KIF21A: variants seen among roughly 807,000 people sequenced by gnomAD.
The protein encoded by KIF21A is kinesin-like protein KIF21A.
A neutral mutation model predicts 202.9 loss-of-function variants in KIF21A; 114 were observed. The ratio of observed to expected loss-of-function variants is 0.56; its 90% confidence interval spans 0.48 to 0.66. KIF21A has a LOEUF of 0.66. KIF21A is among the 30% of genes least tolerant of loss of function. The probability of loss-of-function intolerance (pLI) is 0.00; values close to 1 mark genes in which losing one functional copy is unlikely to be tolerated. For missense variants in KIF21A, 1,677 were observed against 1,994.9 expected (o/e 0.84, Z 3.04); for synonymous variants, 667 against 670.8 (o/e 0.99, Z 0.09).
At chr12:39,338,643 G>A (rs905349535) in intron 16 of KIF21A, among the ~76,000 whole-genome samples, 3 of 152,152 alleles carry the variant, frequency 2.0e-5, no homozygotes, top group Non-Finnish European at 2.9e-5. Context: ...TTGCAGGTTT[G>A]GTTCCAGAGC....
intron 29 of KIF21A, among the ~76,000 whole-genome samples, chr12:39,317,080 T>C (rs1047619655): frequency 1.4e-4 from 22 of 152,134 alleles, no homozygotes; most frequent in African/African-American, 5.3e-4. Flanking sequence ...TTTTGTTTAA[T>C]AACACAGGAA....
intron 1 of KIF21A, among the ~76,000 whole-genome samples, chr12:39,417,660 C>T (rs1435582745): frequency 3.3e-5 from 5 of 152,114 alleles, no homozygotes. Flanking sequence ...CTGGAAAGAA[C>T]ATTTGCTCCA....
chr12:39,355,512 T>A (rs1405421061), intron 10 of KIF21A, among the ~76,000 whole-genome samples: 1 of 151,328 alleles, frequency 6.6e-6, no homozygotes, highest in Non-Finnish European at 1.5e-5. Context: ...AACAGAGCTA[T>A]CAGTTGTGTC....
chr12:39,322,444 C>A (rs1349214641), intron 27 of KIF21A: 1 of 453,020 alleles, frequency 2.2e-6, no homozygotes, highest in African/African-American at 2.0e-5. Flanking sequence ...AAGAATGATC[C>A]TAAAACTTGG....
intron 32 of KIF21A, among the ~76,000 whole-genome samples, 182 bp from the exon 33 acceptor site, chr12:39,309,948 T>C (rs552106710): frequency 6.6e-6 from 1 of 152,110 alleles, no homozygotes; most frequent in Non-Finnish European, 1.5e-5. Flanking sequence ...AGACAAGGTA[T>C]GTGTAAAGGA....
intron 6 of KIF21A, among the ~76,000 whole-genome samples, chr12:39,363,506 G>C (rs1352287470): frequency 1.3e-5 from 2 of 152,036 alleles, no homozygotes; most frequent in African/African-American, 2.4e-5. Context: ...CAGAGCATCA[G>C]GTTATGTCCC....
chr12:39,325,958 C>T, intron 25 of KIF21A, 65 bp from the exon 26 acceptor site: 1 of 1,278,466 alleles, frequency 7.8e-7, no homozygotes, highest in Non-Finnish European at 1.1e-6. Flanking sequence ...ACTATAGCTC[C>T]TCTATATCAA....
Position 39,419,004 on chromosome 12 carries a change from C to T in KIF21A, c.44+23923G>A, listed in dbSNP as rs145680418. On this transcript the variant is annotated intron_variant, in intron 1 of 37. Coordinates refer to ENST00000361418, the MANE Select transcript of KIF21A (RefSeq NM_001173464.2). The stretch of plus-strand genomic sequence containing the variant: ...TTGGTTTTCTCTTAAGCGGAAAAGG[C>T]ACAGTATCTAACTTGCATGTGAATT... 2.0e-3 allele frequency among the ~76,000 whole-genome samples: 305 copies of T among 152,300 alleles called. 4 individuals are homozygous for T. The highest frequency in any genetic ancestry group is 7.0e-3 in the African/African-American group (293 of 41,566).
rs755638322 is a variant in KIF21A, at chr12:39,325,866, A to G, written c.3429T>C (p.Leu1143=). The change falls in exon 26 of 38, where the codon CTT becomes CTC. Residue 1143 remains leucine, a synonymous_variant. Transcript: ENST00000361418. Reference sequence around the variant, plus strand: ...TGTTCTTAGGTTTCACTTCACCACAAAGCTTCATGAGATCTGAAGACAGCG... The same window carrying G: ...TGTTCTTAGGTTTCACTTCACCACAGAGCTTCATGAGATCTGAAGACAGCG... ...GSTLSSDLMK[L]CGEVKPKNKA... 2.5e-6 allele frequency: 4 copies of G among 1,612,404 alleles called. No individual in the cohort carries two copies. The highest frequency in any genetic ancestry group is 3.4e-6 in the Non-Finnish European group (4 of 1,178,858).
At chr12:39,300,453 A>C (rs1300708832) in intron 37 of KIF21A, among the ~76,000 whole-genome samples, 1 of 152,196 alleles carries the variant, frequency 6.6e-6, no homozygotes, top group Non-Finnish European at 1.5e-5. Flanking sequence ...AGTCAATGGA[A>C]ACTGCACAAA....
intron 26 of KIF21A, among the ~76,000 whole-genome samples, chr12:39,324,930 T>C (rs1443210469): frequency 6.6e-6 from 1 of 152,226 alleles, no homozygotes; most frequent in Non-Finnish European, 1.5e-5. Flanking sequence ...TTTTCAAACA[T>C]TGTATGATTG....
intron 37 of KIF21A, among the ~76,000 whole-genome samples, chr12:39,295,043 A>T (rs1033677889): frequency 1.3e-4 from 20 of 152,204 alleles, no homozygotes; most frequent in African/African-American, 4.6e-4. Context: ...GGAGTTAGCG[A>T]ATCTGGCAAA....
intron 31 of KIF21A, chr12:39,311,863 A>G (rs1944065106): frequency 3.1e-6 from 1 of 319,326 alleles, no homozygotes; most frequent in Non-Finnish European, 6.0e-6. Flanking sequence ...GAATTATTTG[A>G]GTGTACTGAA....
intron 4 of KIF21A, among the ~76,000 whole-genome samples, chr12:39,367,550 T>A (rs912984090): frequency 6.6e-6 from 1 of 152,208 alleles, no homozygotes. Context: ...GATACAGTTC[T>A]ACATAGGTTA....
Position 39,330,887 on chromosome 12 carries a change from C to G in KIF21A, c.3178G>C (p.Ala1060Pro). The G allele has an allele frequency of 1.9e-6, 3 of 1,613,920 alleles. No individual in the cohort carries two copies. Among genetic ancestry groups the G allele is most frequent in the Non-Finnish European group, 2.5e-6 (3 of 1,179,880 alleles). Residue 1060 changes from alanine (A) to proline (P), a missense_variant, in exon 23 of 38, where the codon GCT (alanine) becomes CCT (proline). Coordinates refer to ENST00000361418, the MANE Select transcript of KIF21A (RefSeq NM_001173464.2). Reference sequence around the variant, plus strand: ...CGACCTTCCAGTACTTTAATTTGAGCCTCTTTCTGGGCAGCCTGAAGACCC... The same window carrying G: ...CGACCTTCCAGTACTTTAATTTGAGGCTCTTTCTGGGCAGCCTGAAGACCC... The part of the protein sequence containing the change: ...NKGLQAAQKE[A>P]QIKVLEGRLK...
At chr12:39,431,247 T>C (rs775689656) in intron 1 of KIF21A, among the ~76,000 whole-genome samples, 1 of 152,146 alleles carries the variant, frequency 6.6e-6, no homozygotes, top group Non-Finnish European at 1.5e-5. Flanking sequence ...CAGCTGCCAG[T>C]TCTGTGCAGC....
In KIF21A at chr12:39,332,898, T is replaced by C; in HGVS notation, c.2697A>G (p.Gly899=). 6.2e-7 allele frequency: 1 copy of C among 1,613,590 alleles called. No homozygotes were observed. Among genetic ancestry groups the C allele is most frequent in the Non-Finnish European group, 8.5e-7 (1 of 1,179,906 alleles). The change falls in exon 19 of 38, where the codon GGA becomes GGG. Residue 899 remains glycine (G), a synonymous_variant. Coordinates refer to ENST00000361418, the MANE Select transcript of KIF21A (RefSeq NM_001173464.2). ...VQALPTPATN[G]NRKKYQRKGL... Reference sequence around the variant, plus strand: ...AGGAACAGAATTATGTAGACCTGTTTCCATTTGTTGCCGGCGTTGGTAAGG... The same window carrying C: ...AGGAACAGAATTATGTAGACCTGTTCCCATTTGTTGCCGGCGTTGGTAAGG...
chr12:39,305,018 C>T (rs760472442), intron 34 of KIF21A, 80 bp from the exon 35 acceptor site: 43 of 729,110 alleles, frequency 5.9e-5, no homozygotes, highest in Non-Finnish European at 9.8e-5. Flanking sequence ...AAACGATCTA[C>T]ATTCTTTCAT....
chr12:39,386,927 G>C (rs917883318), intron 1 of KIF21A, among the ~76,000 whole-genome samples: 1 of 152,044 alleles, frequency 6.6e-6, no homozygotes, highest in Non-Finnish European at 1.5e-5. Context: ...CAGACAATGG[G>C]AGCCTGTCCA....
Sources: allele counts gnomAD v4.1 joint callset (sites outside exome capture counted in the v4.1 genomes callset), GRCh38; gene constraint gnomAD v4.1.1; transcripts MANE v1.5; gene names NCBI Gene and HGNC (gene_info 2026-07-23, HGNC 2026-07-21).